Variants in DAD1 observed in about 807,000 individuals in gnomAD.
The protein encoded by DAD1 is dolichyl-diphosphooligosaccharide--protein glycosyltransferase subunit DAD1.
DAD1 carries 4 observed loss-of-function variants against 9.0 expected under a neutral mutation model. The observed-to-expected ratio is 0.44, with a 90% CI of 0.22 to 1.01. The LOEUF is 1.01. Among genes scored for constraint, DAD1 ranks in the 50% least tolerant of loss-of-function variants. The probability of loss-of-function intolerance (pLI) is 0.24; values close to 1 mark genes in which losing one functional copy is unlikely to be tolerated. For missense variants in DAD1, 119 were observed against 137.3 expected, an observed-to-expected ratio of 0.87 and a Z score of 0.67; for synonymous variants, 60 against 62.5, an observed-to-expected ratio of 0.96 and a Z score of 0.19.
intron 1 of DAD1, among the ~76,000 whole-genome samples, chr14:22,583,675 A>G (rs1040548849): frequency 1.4e-4 from 22 of 152,118 alleles, no homozygotes; most frequent in African/African-American, 5.3e-4. Flanking sequence ...CAGGAGAGAA[A>G]CAGAAATTAA....
At chr14:22,570,483 A>C (rs1225759724) in intron 2 of DAD1, among the ~76,000 whole-genome samples, 1 of 152,178 alleles carries the variant, frequency 6.6e-6, no homozygotes, top group Non-Finnish European at 1.5e-5. Context: ...GTTTTTTAAC[A>C]CAGGTATCAG....
chr14:22,572,078 T>C (rs1053770419), intron 2 of DAD1, among the ~76,000 whole-genome samples: 1 of 152,118 alleles, frequency 6.6e-6, no homozygotes, highest in Non-Finnish European at 1.5e-5. Flanking sequence ...TCTGTTAACT[T>C]CCTTACTTCC....
chr14:22,577,261 C>T (rs1193182286), intron 1 of DAD1, among the ~76,000 whole-genome samples: 1 of 152,090 alleles, frequency 6.6e-6, no homozygotes, highest in Non-Finnish European at 1.5e-5. Flanking sequence ...TGGTGAAACC[C>T]CGTCTCTACT....
intron 1 of DAD1, among the ~76,000 whole-genome samples, chr14:22,586,671 A>G (rs2037155259): frequency 6.6e-6 from 1 of 152,280 alleles, no homozygotes; most frequent in Non-Finnish European, 1.5e-5. Context: ...TTGCAACAGG[A>G]AATTCCACAG....
chr14:22,569,895 A>G (rs1394557336), intron 2 of DAD1, among the ~76,000 whole-genome samples: 1 of 152,190 alleles, frequency 6.6e-6, no homozygotes, highest in Non-Finnish European at 1.5e-5. Flanking sequence ...CCAGCTACAC[A>G]GAAGCCTCAG....
At chr14:22,581,322 C>T (rs2037113838) in intron 1 of DAD1, among the ~76,000 whole-genome samples, 1 of 152,116 alleles carries the variant, frequency 6.6e-6, no homozygotes, top group African/African-American at 2.4e-5. Context: ...TAAATTCAAT[C>T]ATAACAGAAG....
rs74547088 is a variant in DAD1 at position 22,583,531 on chromosome 14, A to G, written c.211+5416T>C. 6.1e-4 allele frequency among the ~76,000 whole-genome samples: 93 copies of G among 152,290 alleles called. 3 individuals carry two copies. In the East Asian group the frequency reaches 0.015, roughly 25 times the overall value. On this transcript the variant is annotated intron_variant, in intron 1 of 2. Transcript: ENST00000250498. ...ATGAATAGTTAAGGGAGGAAGTAGG[A>G]ACATTAATTATTCTTTCAAGAAATT... is the stretch of plus-strand genomic sequence containing the variant.
intron 1 of DAD1, among the ~76,000 whole-genome samples, chr14:22,584,558 G>T (rs1408032252): frequency 6.7e-6 from 1 of 150,168 alleles, no homozygotes; most frequent in Non-Finnish European, 1.5e-5. Context: ...TTTAAAAACA[G>T]TAACAAAAAA....
chr14:22,582,986 A>C (rs2037127758), intron 1 of DAD1, among the ~76,000 whole-genome samples: 1 of 143,674 alleles, frequency 7.0e-6, no homozygotes, highest in Non-Finnish European at 1.5e-5. Context: ...AGCCTGGGTG[A>C]CAGAGTGAGA....
intron 2 of DAD1, among the ~76,000 whole-genome samples, chr14:22,571,625 C>CT (rs869205395): frequency 0.39 from 42,377 of 109,368 alleles, 8,140 homozygotes; most frequent in Middle Eastern, 0.43. Flanking sequence ...GCAAGGGGCT[C>CT]TTTTTTTTTT....
At chr14:22,573,157 T>G (rs1258019133) in intron 2 of DAD1, among the ~76,000 whole-genome samples, 1 of 151,802 alleles carries the variant, frequency 6.6e-6, no homozygotes, top group Non-Finnish European at 1.5e-5. Flanking sequence ...GTACATGTCT[T>G]GAAGGCAGAA....
At chr14:22,567,310 A>G (rs570728161) in intron 2 of DAD1, 22 of 152,348 alleles carry the variant, frequency 1.4e-4, no homozygotes, top group African/African-American at 5.1e-4. Flanking sequence ...CACTGGGCAG[A>G]TATGTTCAAA....
chr14:22,571,313 C>CAAAA (rs71115558), intron 2 of DAD1, among the ~76,000 whole-genome samples: 3,503 of 115,212 alleles, frequency 0.03, 237 homozygotes, highest in African/African-American at 0.11. Context: ...GACTCTGTCT[C>CAAAA]AAAAAAAAAA....
At position 22,580,801 on chromosome 14, in the gene DAD1, C is replaced by T. The variant is rs114425706; in HGVS notation, c.212-5568G>A. Among the ~76,000 whole-genome samples the T allele has an allele frequency of 5.9e-3, 905 of 152,222 alleles. 9 individuals are homozygous for T. Among genetic ancestry groups the T allele is most frequent in the African/African-American group, 0.021 (876 of 41,528 alleles). ...CATGCTTGGGGAGGCGTACTAATCA[C>T]GTGGGAAGCTTTCCAAAGTATACTC... On this transcript the variant is annotated intron_variant, in intron 1 of 2. Coordinates refer to ENST00000250498, the MANE Select transcript of DAD1 (RefSeq NM_001344.4).
At chr14:22,569,078 G>A (rs1451527673) in intron 2 of DAD1, among the ~76,000 whole-genome samples, 3 of 151,754 alleles carry the variant, frequency 2.0e-5, no homozygotes, top group Non-Finnish European at 2.9e-5. Context: ...TTTTTCTTTC[G>A]TACCACTTTC....
chr14:22,581,743 CAAAAAAAAAAAAAAAAA>C (rs59052046), intron 1 of DAD1, among the ~76,000 whole-genome samples: 3 of 36,712 alleles, frequency 8.2e-5, no homozygotes, highest in African/African-American at 2.6e-4. Context: ...AACTCCATCT[CAAAAAAAAAAAAAAAAA>C]AAAAAAAAAT....
At chr14:22,568,854 C>T (rs1278800691) in intron 2 of DAD1, among the ~76,000 whole-genome samples, 1 of 152,162 alleles carries the variant, frequency 6.6e-6, no homozygotes, top group Non-Finnish European at 1.5e-5. Flanking sequence ...CACGCCACCA[C>T]GCCCCTCTAA....
intron 1 of DAD1, among the ~76,000 whole-genome samples, chr14:22,586,492 C>A (rs934354480): frequency 2.6e-5 from 4 of 152,134 alleles, no homozygotes; most frequent in African/African-American, 9.7e-5. Context: ...TTGCAGTGAA[C>A]CGAGATCGCC....
At chr14:22,569,311 T>A (rs1271740397) in intron 2 of DAD1, among the ~76,000 whole-genome samples, 1 of 151,854 alleles carries the variant, frequency 6.6e-6, no homozygotes, top group Non-Finnish European at 1.5e-5. Flanking sequence ...CACACACTTG[T>A]AGTCCCAGCT....
Sources: allele counts gnomAD v4.1 joint callset (sites outside exome capture counted in the v4.1 genomes callset), GRCh38; gene constraint gnomAD v4.1.1; transcripts MANE v1.5; gene names NCBI Gene and HGNC (gene_info 2026-07-23, HGNC 2026-07-21).